CYP46A1: variants seen among roughly 807,000 people sequenced by gnomAD.
CYP46A1 encodes cholesterol 24-hydroxylase.
A neutral mutation model predicts 63.3 loss-of-function variants in CYP46A1; 20 were observed. That is an observed-to-expected ratio of 0.32 (90% CI 0.22 to 0.46). The LOEUF (loss-of-function observed/expected upper bound fraction) is 0.46, where lower values mean the gene tolerates loss of function less well. Among genes scored for constraint, CYP46A1 ranks in the 20% least tolerant of loss-of-function variants. CYP46A1 has a pLI of 1.00. For missense variants in CYP46A1, 445 were observed against 670.8 expected (o/e 0.66, Z 3.72); for synonymous variants, 268 against 273.6 (o/e 0.98, Z 0.20).
chr14:99,686,618 C>G (rs2056496661), intron 1 of CYP46A1, among the ~76,000 whole-genome samples: 1 of 152,172 alleles, frequency 6.6e-6, no homozygotes, highest in Admixed American at 6.5e-5. Context: ...CCTTTTGTGT[C>G]TGGCTTCTTT....
chr14:99,696,445 T>C (rs2056588212), intron 3 of CYP46A1, among the ~76,000 whole-genome samples: 1 of 152,160 alleles, frequency 6.6e-6, no homozygotes, highest in African/African-American at 2.4e-5. Flanking sequence ...TTTTCTCTCT[T>C]TCTTAGTTGT....
At chr14:99,688,475 C>T (rs995047271) in intron 1 of CYP46A1, among the ~76,000 whole-genome samples, 26 of 152,228 alleles carry the variant, frequency 1.7e-4, no homozygotes, top group Admixed American at 1.7e-3. Flanking sequence ...GAGCAGCTGC[C>T]CACCTCCTGC....
At position 99,716,185 on chromosome 14, in the gene CYP46A1, C is replaced by T. The variant is rs755209726; in HGVS notation, c.893C>T (p.Thr298Ile). ...DDEGLLDNFV[T>I]FFIAGHETSA... ...GAGGGTCTGCTGGACAACTTCGTCA[C>T]CTTCTTCATTGCTGGTTTGTAGCTT... Residue 298 changes from threonine to isoleucine, a missense_variant, in exon 9 of 15, where the codon ACC (threonine) becomes ATC (isoleucine). By Grantham distance (89) the Thr-to-Ile change is moderately conservative (BLOSUM62 -1). Coordinates refer to ENST00000261835, the MANE Select transcript of CYP46A1 (RefSeq NM_006668.2). 3 of 1,614,254 alleles carry T rather than the reference C, an allele frequency of 1.9e-6. No homozygotes were observed. In the Admixed American group the frequency reaches 5.0e-5, roughly 27 times the overall value.
chr14:99,715,962 T>C lies in CYP46A1; in HGVS notation c.844+2T>C. The C allele has an allele frequency of 1.3e-6, 2 of 1,514,768 alleles. No individual in the cohort carries two copies. The highest frequency in any genetic ancestry group is 1.8e-6 in the Non-Finnish European group (2 of 1,119,564). 93.8% of individuals were successfully genotyped at this position (1,514,768 alleles called of 1,614,324 possible). On this transcript the variant is annotated splice_donor_variant, in intron 8 of 14. Coordinates refer to ENST00000261835, the MANE Select transcript of CYP46A1 (RefSeq NM_006668.2). LOFTEE classifies it high-confidence loss of function. ...ACATCCTCACACAGATTCTGAAAGG[T>C]GCAAGGGCCCCCTCTGCGGACTGGG... is the stretch of plus-strand genomic sequence containing the variant.
chr14:99,725,880 T>G lies in CYP46A1; in HGVS notation c.1266-310T>G, dbSNP rs568184152. ...TCCACAGCCTGCCTGAGTGTTCAGA[T>G]CCAGGCTCTGCCCAGAGCTGGATGT... On this transcript the variant is annotated intron_variant, in intron 13 of 14. Coordinates refer to ENST00000261835, the MANE Select transcript of CYP46A1 (RefSeq NM_006668.2). This position sits in a 1 kb window ranked among gnomAD's most constrained non-coding sequence, Gnocchi z 4.2. Among the ~76,000 whole-genome samples, 1 of 152,282 alleles carries G rather than the reference T, an allele frequency of 6.6e-6. No homozygotes were observed. The highest frequency in any genetic ancestry group is 2.4e-5 in the African/African-American group (1 of 41,562).
chr14:99,706,520 C>A, intron 5 of CYP46A1, 127 bp from the exon 6 acceptor site: 2 of 1,286,130 alleles, frequency 1.6e-6, no homozygotes, highest in Non-Finnish European at 2.2e-6. Flanking sequence ...AAGGGGAGGC[C>A]AGAAAGACTG....
chr14:99,725,160 G>C lies in CYP46A1; in HGVS notation c.1177-231G>C, dbSNP rs1021034709. 6.6e-6 allele frequency among the ~76,000 whole-genome samples: 1 copy of C among 152,066 alleles called. No homozygotes were observed. Among genetic ancestry groups the C allele is most frequent in the Non-Finnish European group, 1.5e-5 (1 of 67,990 alleles). On this transcript the variant is annotated intron_variant, in intron 12 of 14. Coordinates refer to ENST00000261835, the MANE Select transcript of CYP46A1 (RefSeq NM_006668.2). This position sits in a 1 kb window ranked among gnomAD's most constrained non-coding sequence, Gnocchi z 4.2. ...CCCCTACAGGGCTGAGCCCAGCACA[G>C]GATGACGCAGTACGCCCAGCTGGCA...
At chr14:99,694,371 C>CTTTTTTT (rs74872295) in intron 3 of CYP46A1, among the ~76,000 whole-genome samples, 5 of 86,312 alleles carry the variant, frequency 5.8e-5, no homozygotes, top group East Asian at 3.5e-4. Context: ...TTTGGGTTTT[C>CTTTTTTT]TTTTTTTTTT....
chr14:99,721,290 C>T lies in CYP46A1; in HGVS notation c.1032C>T (p.Phe344=), dbSNP rs754886094. 4 of 1,613,836 alleles carry T rather than the reference C, an allele frequency of 2.5e-6. No homozygotes were observed. The highest frequency in any genetic ancestry group is 1.7e-5 in the Admixed American group (1 of 60,010). ...EVIGSKRYLD[F]EDLGRLQYLS... Reference sequence around the variant, plus strand: ...TTGGTTCTAAGAGGTACCTGGATTTCGAGGACCTGGGGAGACTGCAGTACC... The same window carrying T: ...TTGGTTCTAAGAGGTACCTGGATTTTGAGGACCTGGGGAGACTGCAGTACC... Residue 344 remains phenylalanine, a synonymous_variant, in exon 11 of 15, where the codon TTC becomes TTT. Transcript: ENST00000261835.
At position 99,707,132 on chromosome 14, in the gene CYP46A1, C is replaced by T. The variant is rs1320440371; in HGVS notation, c.582+347C>T. Among the ~76,000 whole-genome samples the T allele has an allele frequency of 2.0e-5, 3 of 152,300 alleles. No homozygotes were observed. The East Asian group carries it at 5.8e-4, about 29-fold the overall frequency. On this transcript the variant is annotated intron_variant, in intron 6 of 14. Transcript: ENST00000261835. ...TAGGGTATGACTTGGCTCTTCACCC[C>T]AGTAGACTCAGCAGTGGGCCCAGTA...
intron 5 of CYP46A1, among the ~76,000 whole-genome samples, chr14:99,704,723 A>C (rs1007612532): frequency 6.6e-6 from 1 of 152,210 alleles, no homozygotes; most frequent in African/African-American, 2.4e-5. Flanking sequence ...CTTGCAAATA[A>C]ATATATACTT....
rs781047407 is a variant in CYP46A1, at chr14:99,684,403, C to T, written c.-15C>T. On this transcript the variant is annotated 5_prime_UTR_variant, in exon 1 of 15. Coordinates refer to ENST00000261835, the MANE Select transcript of CYP46A1 (RefSeq NM_006668.2). The stretch of plus-strand genomic sequence containing the variant: ...CCCGGCCCGACCCTGGCCTGGCCTG[C>T]CCTGCCCCGGAGCCATGAGCCCCGG... 3 of 1,439,810 alleles carry T rather than the reference C, an allele frequency of 2.1e-6. No individual in the cohort carries two copies. The African/African-American group carries it at 4.5e-5, about 21-fold the overall frequency. The allele number at this position is 1,439,810 out of a possible 1,614,324, so 89.2% of individuals were successfully genotyped here.
intron 13 of CYP46A1, 105 bp from the exon 14 acceptor site, chr14:99,726,085 A>C (rs1162308166): frequency 2.0e-6 from 2 of 1,023,902 alleles, no homozygotes; most frequent in Admixed American, 1.8e-5. Context: ...CCCCTGGCTC[A>C]AAGTCTGTGT....
chr14:99,684,366 G>A lies in CYP46A1; in HGVS notation c.-52G>A. On this transcript the variant is annotated 5_prime_UTR_variant, in exon 1 of 15. Coordinates refer to ENST00000261835, the MANE Select transcript of CYP46A1 (RefSeq NM_006668.2). The stretch of plus-strand genomic sequence containing the variant: ...AGCTGAGTCGGCTCGCGGCCTCCCG[G>A]CCCCCTCGGCGCCCGGCCCGACCCT... The A allele has an allele frequency of 8.6e-7, 1 of 1,162,254 alleles. No individual in the cohort carries two copies. Among genetic ancestry groups the A allele is most frequent in the Non-Finnish European group, 1.1e-6 (1 of 919,988 alleles). 72.0% of individuals were successfully genotyped at this position (1,162,254 alleles called of 1,614,324 possible). A position where few individuals can be genotyped will look rare whatever the true frequency, so the allele number is the denominator to read the frequency against.
In CYP46A1 at chr14:99,722,977, G is replaced by A. The variant is rs1395124806; in HGVS notation, c.1176+911G>A. ...TGACTGTTCAGCTTTACAAACGAAC[G>A]CCACATTGTTTTCCAAAGTGGCTGC... On this transcript the variant is annotated intron_variant, in intron 12 of 14. Coordinates refer to ENST00000261835, the MANE Select transcript of CYP46A1 (RefSeq NM_006668.2). This position sits in a 1 kb window ranked among gnomAD's most constrained non-coding sequence, Gnocchi z 4.6. 1.9e-5 allele frequency: 8 copies of A among 432,002 alleles called. No individual in the cohort carries two copies. Among genetic ancestry groups the A allele is most frequent in the Admixed American group, 9.7e-5 (4 of 41,136 alleles). The allele number at this position is 432,002 out of a possible 1,614,324, so 26.8% of individuals were successfully genotyped here.
At chr14:99,686,748 T>A (rs557893865) in intron 1 of CYP46A1, among the ~76,000 whole-genome samples, 1 of 152,290 alleles carries the variant, frequency 6.6e-6, no homozygotes, top group South Asian at 2.1e-4. Flanking sequence ...GACCTGAGTG[T>A]GTGGGGTGCG....
At chr14:99,706,574 G>T (rs2056678109) in intron 5 of CYP46A1, 73 bp from the exon 6 acceptor site, 3 of 1,581,756 alleles carry the variant, frequency 1.9e-6, no homozygotes, top group African/African-American at 2.7e-5. Flanking sequence ...CCTCTCTGTG[G>T]AGAGGGAGGG....
chr14:99,725,488 C>G lies in CYP46A1; in HGVS notation c.1265+9C>G, dbSNP rs1487003989. The G allele has an allele frequency of 1.9e-6, 3 of 1,608,584 alleles. No homozygotes were observed. The highest frequency in any genetic ancestry group is 2.6e-6 in the Non-Finnish European group (3 of 1,175,026). ...GGCCCTGGAGCACCCAAGTAAGTCC[C>G]TCCTGGAGCTGCCCATGAGTGGGGC... On this transcript the variant is annotated intron_variant, in intron 13 of 14. Transcript: ENST00000261835. This position sits in a 1 kb window ranked among gnomAD's most constrained non-coding sequence, Gnocchi z 4.2.
At chr14:99,699,964 C>CGCGGGGGGGG in intron 4 of CYP46A1, 51 bp from the exon 5 acceptor site, 2 of 773,854 alleles carry the variant, frequency 2.6e-6, no homozygotes, top group Non-Finnish European at 4.2e-6. Flanking sequence ...ATCAAGCAGT[C>CGCGGGGGGGG]GCTCCCCACC....
Sources: gnomAD v4.1 joint callset for allele counts (sites outside exome capture counted in the v4.1 genomes callset) on GRCh38, gnomAD v4.1.1 for gene constraint, Gnocchi (gnomAD v3.1) non-coding constraint, MANE v1.5 for transcripts, NCBI Gene and HGNC (gene_info 2026-07-23, HGNC 2026-07-21) for gene names.